ITGA9: variants seen among roughly 807,000 people sequenced by gnomAD.
ITGA9 encodes integrin alpha-9.
Under a neutral mutation model 127.8 loss-of-function variants are expected in ITGA9, and 56 were observed. The ratio of observed to expected loss-of-function variants is 0.44; its 90% CI spans 0.35 to 0.55. ITGA9 has a LOEUF of 0.55. Ranked by LOEUF, ITGA9 falls within the 20% of genes least tolerant of loss-of-function variation. The pLI is 0.00. For synonymous variants in ITGA9, 508 were observed against 514.5 expected (o/e 0.99, Z 0.17); for missense variants, 1,196 against 1,347.1 (o/e 0.89, Z 1.76).
intron 4 of ITGA9, among the ~76,000 whole-genome samples, chr3:37,494,300 C>T (rs1216511497): frequency 2.6e-5 from 4 of 152,198 alleles, no homozygotes; most frequent in Non-Finnish European, 5.9e-5. Flanking sequence ...AGCCTCCCTT[C>T]CCGATGGCAC....
chr3:37,577,331 G>T (rs1559540869), intron 15 of ITGA9, among the ~76,000 whole-genome samples: 1 of 152,202 alleles, frequency 6.6e-6, no homozygotes, highest in African/African-American at 2.4e-5. Flanking sequence ...AGGAATCCTG[G>T]CTGGGCATTG....
intron 15 of ITGA9, among the ~76,000 whole-genome samples, chr3:37,603,540 C>T (rs777853805): frequency 3.9e-5 from 6 of 152,086 alleles, no homozygotes; most frequent in East Asian, 1.9e-4. Context: ...GTGGTTCTCC[C>T]GTCAGGTTAT....
At chr3:37,813,528 G>A (rs1697393702) in intron 27 of ITGA9, among the ~76,000 whole-genome samples, 1 of 152,182 alleles carries the variant, frequency 6.6e-6, no homozygotes, top group South Asian at 2.1e-4. Flanking sequence ...TGTTAGCTAG[G>A]AAGACCTGTT....
At chr3:37,725,665 A>C (rs1696181578) in intron 18 of ITGA9, among the ~76,000 whole-genome samples, 1 of 152,234 alleles carries the variant, frequency 6.6e-6, no homozygotes, top group South Asian at 2.1e-4. Context: ...AGGTGTACAT[A>C]GAGTTTTTAG....
chr3:37,785,097 G>T lies in ITGA9; in HGVS notation c.2889+19G>T, dbSNP rs767388581. Reference sequence around the variant, plus strand: ...GGTGACGGTGAGTCAGCCACCCCAGGACAGCCCTCCTCAGAGGGCAAGGGA... The same window carrying T: ...GGTGACGGTGAGTCAGCCACCCCAGTACAGCCCTCCTCAGAGGGCAAGGGA... On this transcript the variant is annotated intron_variant, in intron 26 of 27. Transcript: ENST00000264741. 1.3e-6 allele frequency: 2 copies of T among 1,557,908 alleles called. No individual in the cohort carries two copies. The highest frequency in any genetic ancestry group is 1.1e-5 in the South Asian group (1 of 89,972).
Position 37,508,589 on chromosome 3 carries a change from G to A in ITGA9, c.859G>A (p.Gly287Ser). The part of the protein sequence containing the change: ...VYIFRADRRS[G>S]TLIKIFQASG... Reference sequence around the variant, plus strand: ...TATTTTCAGAGCTGACCGAAGATCAGGCACCTTAATTAAGATCTTTCAAGC... The same window carrying A: ...TATTTTCAGAGCTGACCGAAGATCAAGCACCTTAATTAAGATCTTTCAAGC... The change falls in exon 8 of 28, where the codon GGC becomes AGC. Residue 287 changes from glycine to serine, a missense_variant. Coordinates refer to ENST00000264741, the MANE Select transcript of ITGA9 (RefSeq NM_002207.3). 6.2e-7 allele frequency: 1 copy of A among 1,613,644 alleles called. No individual in the cohort carries two copies. The highest frequency in any genetic ancestry group is 8.5e-7 in the Non-Finnish European group (1 of 1,179,854).
At chr3:37,673,870 A>G (rs994505450) in intron 17 of ITGA9, among the ~76,000 whole-genome samples, 1 of 152,226 alleles carries the variant, frequency 6.6e-6, no homozygotes, top group Admixed American at 6.5e-5. Context: ...ATGAATTCTG[A>G]GATCCCTTGA....
At chr3:37,621,679 T>C (rs1575170469) in intron 15 of ITGA9, among the ~76,000 whole-genome samples, 1 of 152,240 alleles carries the variant, frequency 6.6e-6, no homozygotes, top group Non-Finnish European at 1.5e-5. Context: ...GTGATTTTCA[T>C]AGATGAACAA....
At chr3:37,653,597 A>C in intron 16 of ITGA9, 117 bp from the exon 17 acceptor site, 1 of 818,684 alleles carries the variant, frequency 1.2e-6, no homozygotes, top group South Asian at 1.3e-5. Context: ...GTGGGAGTAG[A>C]AGCCCTGAGG....
At chr3:37,622,562 G>C (rs564539532) in intron 15 of ITGA9, among the ~76,000 whole-genome samples, 2 of 152,064 alleles carry the variant, frequency 1.3e-5, no homozygotes, top group Non-Finnish European at 2.9e-5. Flanking sequence ...TGTATTAAAG[G>C]CCGGGCGCAG....
chr3:37,748,331 T>C (rs1232694735), intron 22 of ITGA9: 6 of 583,200 alleles, frequency 1.0e-5, no homozygotes, highest in Admixed American at 2.0e-5. Flanking sequence ...GCTGTTGGCA[T>C]TGTTATAAAC....
At chr3:37,556,543 A>G (rs1699432799) in intron 15 of ITGA9, among the ~76,000 whole-genome samples, 1 of 152,192 alleles carries the variant, frequency 6.6e-6, no homozygotes, top group Non-Finnish European at 1.5e-5. Flanking sequence ...AGTCATCTTC[A>G]CGGGCTGGTT....
At position 37,542,464 on chromosome 3, in the gene ITGA9, A is replaced by G. The variant is rs1699283859; in HGVS notation, c.1568A>G (p.Glu523Gly). The G allele has an allele frequency of 3.1e-6, 5 of 1,613,980 alleles. No individual in the cohort carries two copies. The highest frequency in any genetic ancestry group is 4.2e-6 in the Non-Finnish European group (5 of 1,180,020). Residue 523 changes from glutamate to glycine, a missense_variant, in exon 15 of 28, where the codon GAG becomes GGG. Glu to Gly is a moderately conservative substitution (Grantham distance 98). Transcript: ENST00000264741. The part of the protein sequence containing the change: ...YVLMADVAKK[E>G]KGQMPRVYFV... ...CTGATGGCTGACGTGGCCAAAAAGG[A>G]GAAGGGCCAGATGCCCAGGGTCTAC...
chr3:37,459,795 T>C (rs1698297544), intron 1 of ITGA9, among the ~76,000 whole-genome samples: 1 of 152,202 alleles, frequency 6.6e-6, no homozygotes, highest in Non-Finnish European at 1.5e-5. Context: ...ACATCTGTCT[T>C]GTGAAGTTCT....
chr3:37,576,614 A>C (rs944116903), intron 15 of ITGA9, among the ~76,000 whole-genome samples: 1 of 152,070 alleles, frequency 6.6e-6, no homozygotes, highest in Non-Finnish European at 1.5e-5. Context: ...TCTCAACCAT[A>C]ATGTGTTTTT....
intron 19 of ITGA9, among the ~76,000 whole-genome samples, chr3:37,734,703 G>A (rs1696337347): frequency 6.6e-6 from 1 of 152,170 alleles, no homozygotes; most frequent in Admixed American, 6.5e-5. Context: ...TGTTGGCCAG[G>A]CTGGTCTTGA....
At chr3:37,652,914 A>C (rs17036758) in intron 16 of ITGA9, among the ~76,000 whole-genome samples, 1 of 152,176 alleles carries the variant, frequency 6.6e-6, no homozygotes, top group Non-Finnish European at 1.5e-5. Flanking sequence ...CAAGCCCTCC[A>C]TGGACCGTAG....
chr3:37,714,136 T>C (rs962860685), intron 18 of ITGA9, among the ~76,000 whole-genome samples: 5 of 152,188 alleles, frequency 3.3e-5, no homozygotes, highest in African/African-American at 1.2e-4. Context: ...AGCCACTTAA[T>C]AGTTACATGG....
intron 18 of ITGA9, among the ~76,000 whole-genome samples, chr3:37,686,641 T>C (rs1027012720): frequency 2.6e-4 from 40 of 151,998 alleles, no homozygotes; most frequent in African/African-American, 8.7e-4. Context: ...GAACCCTAGG[T>C]TTCAGTTCGA....
Sources: gnomAD v4.1 joint callset for allele counts (sites outside exome capture counted in the v4.1 genomes callset) on GRCh38, gnomAD v4.1.1 for gene constraint, MANE v1.5 for transcripts, NCBI Gene and HGNC (gene_info 2026-07-23, HGNC 2026-07-21) for gene names.